Variants in PCDHA8 observed in about 807,000 individuals in gnomAD.
PCDHA8 encodes the protein protocadherin alpha-8.
Under a neutral mutation model 61.8 loss-of-function variants are expected in PCDHA8, and 53 were observed. The observed-to-expected ratio is 0.86, with a 90% CI of 0.69 to 1.08. The LOEUF (loss-of-function observed/expected upper bound fraction) is 1.08, where lower values mean the gene tolerates loss of function less well. Among genes scored for constraint, PCDHA8 ranks in the 50% least tolerant of loss-of-function variants. The pLI is 0.00. For missense variants in PCDHA8, 1,293 were observed against 1,245.0 expected, an observed-to-expected ratio of 1.04 and a Z score of -0.58; for synonymous variants, 618 against 556.6, an observed-to-expected ratio of 1.11 and a Z score of -1.55.
intron 3 of PCDHA8, among the ~76,000 whole-genome samples, chr5:140,985,238 A>G (rs2097143387): frequency 1.3e-5 from 2 of 152,120 alleles, no homozygotes; most frequent in Non-Finnish European, 2.9e-5. Context: ...CGCCTGGCCT[A>G]ATCTTCTTAC....
chr5:140,865,139 A>G (rs1467997658), intron 1 of PCDHA8: 1 of 152,202 alleles, frequency 6.6e-6, no homozygotes, highest in Non-Finnish European at 1.5e-5. Flanking sequence ...CTTAGAATTT[A>G]ACATTGTATA....
Position 140,848,909 on chromosome 5 carries a change from G to T in PCDHA8, c.2394+5194G>T, listed in dbSNP as rs2150424301. 6.2e-5 allele frequency: 99 copies of T among 1,608,232 alleles called. No individual in the cohort carries two copies. The African/African-American group carries it at 1.2e-3, about 19-fold the overall frequency. ...CTCCAGTGTTCCCAGCGACACAAAA[G>T]AATCTGTTCATCGCGGAATCCAGGC... On this transcript the variant is annotated intron_variant, in intron 1 of 3. Transcript: ENST00000531613.
intron 1 of PCDHA8, among the ~76,000 whole-genome samples, chr5:140,932,575 G>A (rs1554208974): frequency 6.6e-6 from 1 of 151,674 alleles, no homozygotes; most frequent in South Asian, 2.1e-4. Context: ...TTTCCCATAG[G>A]GTAATTAGAT....
In PCDHA8 at chr5:140,936,292, T is replaced by C. The variant is rs74627153; in HGVS notation, c.2395-42657T>C. Among the ~76,000 whole-genome samples the C allele has an allele frequency of 4.3e-3, 649 of 152,348 alleles. 6 individuals are homozygous for C. Among genetic ancestry groups the C allele is most frequent in the African/African-American group, 0.013 (538 of 41,592 alleles). On this transcript the variant is annotated intron_variant, in intron 1 of 3. Transcript: ENST00000531613. Reference sequence around the variant, plus strand: ...TATTCCTGTGTTTTCTTCTATAACATTGCTATCCAATAGAACTTTCTGACA... The same window carrying C: ...TATTCCTGTGTTTTCTTCTATAACACTGCTATCCAATAGAACTTTCTGACA...
At chr5:140,939,593 T>C (rs1554212802) in intron 1 of PCDHA8, among the ~76,000 whole-genome samples, 1 of 152,198 alleles carries the variant, frequency 6.6e-6, no homozygotes, top group African/African-American at 2.4e-5. Flanking sequence ...TAACATACCT[T>C]GCTCAAAAAC....
rs2052689459 is a variant in PCDHA8, at chr5:140,871,081, G to T, written c.2394+27366G>T. 9 of 1,613,214 alleles carry T rather than the reference G, an allele frequency of 5.6e-6. No homozygotes were observed. The African/African-American group carries it at 6.7e-5, about 12-fold the overall frequency. On this transcript the variant is annotated intron_variant, in intron 1 of 3. Coordinates refer to ENST00000531613, the MANE Select transcript of PCDHA8 (RefSeq NM_018911.3). ...GGATCACGGTGAGCCGGCGCTGACG[G>T]CCACGGCCACCGTGCTGGTGTCGTT... is the stretch of plus-strand genomic sequence containing the variant.
chr5:140,978,057 T>C (rs527562348), intron 1 of PCDHA8, among the ~76,000 whole-genome samples: 1 of 152,304 alleles, frequency 6.6e-6, no homozygotes, highest in South Asian at 2.1e-4. Context: ...ACTGATGATG[T>C]CCCAGTGATT....
In PCDHA8 at chr5:140,958,013, G is replaced by A. The variant is rs553596138; in HGVS notation, c.2395-20936G>A. 2.6e-5 allele frequency among the ~76,000 whole-genome samples: 4 copies of A among 152,110 alleles called. No individual in the cohort carries two copies. In the South Asian group the frequency reaches 8.3e-4, roughly 32 times the overall value. On this transcript the variant is annotated intron_variant, in intron 1 of 3. Coordinates refer to ENST00000531613, the MANE Select transcript of PCDHA8 (RefSeq NM_018911.3). ...CAGATTTTTTGTTTCAATTCTATCA[G>A]CCAAGTATACTATGCTTTCTTTGCT...
At chr5:140,928,830 TTCC>T in intron 1 of PCDHA8, 1 of 1,614,124 alleles carries the variant, frequency 6.2e-7, no homozygotes, top group Non-Finnish European at 8.5e-7. Flanking sequence ...ACCCACCACT[TTCC>T]TCCTCTGTCA....
At chr5:140,967,820 C>A (rs1162525542) in intron 1 of PCDHA8, 29 of 1,614,052 alleles carry the variant, frequency 1.8e-5, no homozygotes, top group Non-Finnish European at 2.5e-5. Context: ...CTGCAAGGTG[C>A]TGGTGGACAT....
chr5:140,923,774 G>T (rs1447078559), intron 1 of PCDHA8, among the ~76,000 whole-genome samples: 1 of 152,202 alleles, frequency 6.6e-6, no homozygotes, highest in Non-Finnish European at 1.5e-5. Flanking sequence ...CTACTGGGTG[G>T]ATGGTTTCTT....
chr5:140,918,051 A>G (rs782531005), intron 1 of PCDHA8, among the ~76,000 whole-genome samples: 2 of 151,984 alleles, frequency 1.3e-5, no homozygotes, highest in Non-Finnish European at 1.5e-5. Flanking sequence ...CATTTGTTTT[A>G]TCATCTCTGA....
intron 1 of PCDHA8, among the ~76,000 whole-genome samples, chr5:140,947,229 G>GA (rs201242412): frequency 9.4e-5 from 14 of 148,904 alleles, no homozygotes; most frequent in South Asian, 2.1e-4. Context: ...TTTATGACAG[G>GA]AAAAAAAAAT....
intron 1 of PCDHA8, among the ~76,000 whole-genome samples, chr5:140,941,953 C>A (rs1166757165): frequency 6.6e-6 from 1 of 152,054 alleles, no homozygotes; most frequent in Non-Finnish European, 1.5e-5. Flanking sequence ...GTTTTGAAAA[C>A]AATAGTATCT....
At chr5:140,869,615 G>A (rs373081906) in intron 1 of PCDHA8, 4 of 1,613,740 alleles carry the variant, frequency 2.5e-6, no homozygotes, top group East Asian at 4.5e-5. Flanking sequence ...TTGACCTACA[G>A]GCTAAGTAAA....
intron 1 of PCDHA8, chr5:140,869,931 G>C (rs2051507983): frequency 6.2e-7 from 1 of 1,611,492 alleles, no homozygotes; most frequent in Admixed American, 1.7e-5. Flanking sequence ...TCAATGGAGA[G>C]GTAACATACT....
intron 1 of PCDHA8, chr5:140,877,285 G>C: frequency 1.2e-6 from 2 of 1,613,898 alleles, no homozygotes; most frequent in Non-Finnish European, 1.7e-6. Context: ...CGGCTATAAC[G>C]CTTGGCTGTC....
chr5:140,893,954 T>C (rs115606551), intron 1 of PCDHA8, among the ~76,000 whole-genome samples: 1,862 of 152,344 alleles, frequency 0.012, 45 homozygotes, highest in African/African-American at 0.042. Flanking sequence ...CATGACTTTA[T>C]TAGTCATTAG....
At chr5:140,968,813 A>G (rs1554231120) in intron 1 of PCDHA8, 1 of 1,614,194 alleles carries the variant, frequency 6.2e-7, no homozygotes, top group South Asian at 1.1e-5. Context: ...TGTGGTGGAT[A>G]GGGTTTCCAA....
Sources: allele counts gnomAD v4.1 joint callset (sites outside exome capture counted in the v4.1 genomes callset), GRCh38; gene constraint gnomAD v4.1.1; transcripts MANE v1.5; gene names NCBI Gene and HGNC (gene_info 2026-07-23, HGNC 2026-07-21).